The following SMG1 variants were observed in gnomAD, a reference collection of about 807,000 sequenced individuals.
SMG1 encodes SMG1 nonsense mediated mRNA decay associated PI3K related kinase, also known as serine/threonine-protein kinase SMG1.
In SMG1, 22 loss-of-function variants were observed where a neutral mutation model predicts 419.9. The ratio of observed to expected loss-of-function variants is 0.05; its 90% CI spans 0.04 to 0.07. The LOEUF (loss-of-function observed/expected upper bound fraction) is 0.07, where lower values mean the gene tolerates loss of function less well. SMG1 is among the 10% of genes least tolerant of loss of function. SMG1 has a pLI of 1.00. For synonymous variants in SMG1, 1,538 were observed against 1,553.5 expected, an observed-to-expected ratio of 0.99 and a Z score of 0.23; for missense variants, 3,185 against 4,342.0, an observed-to-expected ratio of 0.73 and a Z score of 7.49.
Position 18,926,045 on chromosome 16 carries a change from C to T in SMG1, c.-4G>A. On this transcript the variant is annotated 5_prime_UTR_variant, in exon 1 of 63. Coordinates refer to ENST00000446231, the MANE Select transcript of SMG1 (RefSeq NM_015092.5). ...ACCCCGGGGCTCTGCGGCTCATTACCTTCCCCGACACGACATGGCCAAGCG... is the reference window on the plus strand; with the variant it reads ...ACCCCGGGGCTCTGCGGCTCATTACTTTCCCCGACACGACATGGCCAAGCG... 1.3e-6 allele frequency: 2 copies of T among 1,567,638 alleles called. No individual in the cohort carries two copies. The highest frequency in any genetic ancestry group is 1.7e-6 in the Non-Finnish European group (2 of 1,165,836).
At chr16:18,876,089 T>A (rs754306804) in intron 13 of SMG1, 35 bp downstream of exon 13, 2 of 1,607,854 alleles carry the variant, frequency 1.2e-6, no homozygotes, top group Admixed American at 3.3e-5. Flanking sequence ...GGCTTAACTG[T>A]GGATAAAACA....
intron 55 of SMG1, among the ~76,000 whole-genome samples, chr16:18,821,221 C>CTTTTTTTTTTTTTT (rs869238782): frequency 1.2e-3 from 42 of 35,602 alleles, no homozygotes; most frequent in Middle Eastern, 0.024. Flanking sequence ...TAGTATGTTT[C>CTTTTTTTTTTTTTT]TTTTTTTTTT....
At chr16:18,849,675 T>A (rs1039844745) in intron 35 of SMG1, among the ~76,000 whole-genome samples, 5 of 152,174 alleles carry the variant, frequency 3.3e-5, no homozygotes, top group African/African-American at 1.2e-4. Context: ...AGACAATTTT[T>A]ACAGAGGGTA....
intron 6 of SMG1, among the ~76,000 whole-genome samples, chr16:18,887,297 T>C (rs1193857933): frequency 6.6e-6 from 1 of 152,064 alleles, no homozygotes; most frequent in African/African-American, 2.4e-5. Flanking sequence ...ACAGGTAATT[T>C]TCTGAATCTT....
chr16:18,871,574 T>A, intron 15 of SMG1, 92 bp from the exon 16 acceptor site: 1 of 510,168 alleles, frequency 2.0e-6, no homozygotes, highest in East Asian at 3.3e-5. Flanking sequence ...GGTCTTCTCT[T>A]GGTTTTTCAA....
intron 15 of SMG1, among the ~76,000 whole-genome samples, chr16:18,871,705 T>C (rs1200540339): frequency 2.0e-5 from 3 of 151,922 alleles, no homozygotes; most frequent in Non-Finnish European, 2.9e-5. Context: ...AGAGGCCGGG[T>C]GTGGTGGCTT....
At chr16:18,917,149 T>TAA (rs1447193461) in intron 1 of SMG1, among the ~76,000 whole-genome samples, 296 of 148,900 alleles carry the variant, frequency 2.0e-3, no homozygotes, top group African/African-American at 4.2e-3. Context: ...ATTAATTAAT[T>TAA]TATTTATTTA....
chr16:18,815,719 C>T, intron 58 of SMG1, 68 bp from the exon 59 acceptor site: 1 of 1,321,526 alleles, frequency 7.6e-7, no homozygotes, highest in East Asian at 2.4e-5. Context: ...AAGACAGTCA[C>T]CTAGTGATTA....
chr16:18,839,574 C>T (rs771343209), intron 42 of SMG1, 124 bp downstream of exon 42: 27 of 1,244,630 alleles, frequency 2.2e-5, no homozygotes, highest in Non-Finnish European at 2.8e-5. Context: ...CTCAAATATA[C>T]GTCTCAAACT....
rs372275238 is a variant in SMG1 at position 18,852,367 on chromosome 16, A to G, written c.4864T>C (p.Leu1622=). 64 of 1,613,736 alleles carry G rather than the reference A, an allele frequency of 4.0e-5. No individual in the cohort carries two copies. The highest frequency in any genetic ancestry group is 3.3e-4 in the Middle Eastern group (2 of 6,080). ...APEVAKSWAA[L]ASWAYRWGRK... ...CCCCACCTATAAGCCCAGCTGGCCA[A>G]CGCTGCCCAAGATTTGGCTACTTCA... The change falls in exon 32 of 63, where the codon TTG becomes CTG. Residue 1622 remains leucine, a synonymous_variant. Transcript: ENST00000446231.
chr16:18,880,802 G>A (rs1018317105), intron 10 of SMG1, among the ~76,000 whole-genome samples: 2 of 151,530 alleles, frequency 1.3e-5, no homozygotes, highest in Non-Finnish European at 2.9e-5. Context: ...GGGAGGCTGA[G>A]GTGGGAAGAC....
chr16:18,829,632 G>A lies in SMG1; in HGVS notation c.9257C>T (p.Thr3086Ile). The A allele has an allele frequency of 6.2e-7, 1 of 1,614,010 alleles. No homozygotes were observed. Among genetic ancestry groups the A allele is most frequent in the Non-Finnish European group, 8.5e-7 (1 of 1,179,894 alleles). The change falls in exon 54 of 63, where the codon ACA becomes ATA. Residue 3086 changes from threonine (T) to isoleucine (I), a missense_variant. Around this residue, in one of 27 missense-constraint regions of SMG1, gnomAD observed 737 missense variants for 846.6 expected, o/e 0.87. Transcript: ENST00000446231. ...CAAGAGCTGCCTCACAAAGTCAGCT[G>A]TGAATGCCTTGATAGGTTTGGCCAT... ...DQMAKPIKAF[T>I]ADFVRQLLIG...
In SMG1 at chr16:18,834,213, G is replaced by C. The variant is rs981843353; in HGVS notation, c.8556C>G (p.Thr2852=). The C allele has an allele frequency of 3.8e-6, 6 of 1,589,692 alleles. No individual in the cohort carries two copies. Among genetic ancestry groups the C allele is most frequent in the Non-Finnish European group, 5.1e-6 (6 of 1,166,142 alleles). Residue 2852 remains threonine, a synonymous_variant, in exon 50 of 63, where the codon ACC becomes ACG. Transcript: ENST00000446231. ...AAATAAAAGTGTTCACCTGAAGTGA[G>C]GTATACACTCCATTGGCTAAGTGAA... is the stretch of plus-strand genomic sequence containing the variant. ...ETVHLANGVY[T]SLQELNSNFR...
intron 1 of SMG1, among the ~76,000 whole-genome samples, chr16:18,921,520 T>C (rs2038200583): frequency 6.6e-6 from 1 of 152,202 alleles, no homozygotes; most frequent in Admixed American, 6.5e-5. Context: ...GGAACAGAAC[T>C]GGAAATCACT....
In SMG1 at chr16:18,830,363, T is replaced by C. The variant is rs1260989075; in HGVS notation, c.8799A>G (p.Leu2933=). 3 of 1,613,886 alleles carry C rather than the reference T, an allele frequency of 1.9e-6. No individual in the cohort carries two copies. The highest frequency in any genetic ancestry group is 2.2e-5 in the East Asian group (1 of 44,886). Residue 2933 remains leucine (L), a synonymous_variant, in exon 52 of 63, where the codon CTA becomes CTG. Transcript: ENST00000446231. ...GGATTAATTCACCGTACTGAGCATG[T>C]AGTAGTCTACAGAAAAACAAAAGGA... The part of the protein sequence containing the change: ...HAHYIDVARL[L]HAQYGELIQP...
intron 39 of SMG1, among the ~76,000 whole-genome samples, chr16:18,843,008 A>G (rs1399666747): frequency 6.6e-6 from 1 of 152,206 alleles, no homozygotes; most frequent in Admixed American, 6.5e-5. Flanking sequence ...ATGCAGTGAA[A>G]TCACAGGAGA....
Position 18,918,949 on chromosome 16 carries a change from T to C in SMG1, c.92+7001A>G, listed in dbSNP as rs1030306150. Among the ~76,000 whole-genome samples, 19 of 152,292 alleles carry C rather than the reference T, an allele frequency of 1.2e-4. No individual in the cohort carries two copies. In the Middle Eastern group the frequency reaches 0.014, roughly 109 times the overall value. ...TGAGAATTGTATCACAAAATCCACATGCTCTCCCCTTTACAAAGCCCTTTA... is the reference window on the plus strand; with the variant it reads ...TGAGAATTGTATCACAAAATCCACACGCTCTCCCCTTTACAAAGCCCTTTA... On this transcript the variant is annotated intron_variant, in intron 1 of 62. Transcript: ENST00000446231.
intron 1 of SMG1, among the ~76,000 whole-genome samples, chr16:18,915,280 C>T (rs749985304): frequency 1.4e-4 from 21 of 151,734 alleles, no homozygotes; most frequent in Non-Finnish European, 2.4e-4. Context: ...GCCAAATTAC[C>T]GTATTCTTTC....
intron 1 of SMG1, among the ~76,000 whole-genome samples, chr16:18,900,790 T>C (rs1275252510): frequency 2.0e-5 from 3 of 152,216 alleles, no homozygotes; most frequent in South Asian, 2.1e-4. Flanking sequence ...AGAGCAGTTA[T>C]AGGATATGTT....
Sources: gnomAD v4.1 joint callset for allele counts (sites outside exome capture counted in the v4.1 genomes callset) on GRCh38, gnomAD v4.1.1 for gene constraint, gnomAD v4.1.1 regional missense constraint, MANE v1.5 for transcripts, NCBI Gene and HGNC (gene_info 2026-07-23, HGNC 2026-07-21) for gene names.